USP35: variants seen among roughly 807,000 people sequenced by gnomAD.
The protein encoded by USP35 is ubiquitin carboxyl-terminal hydrolase 35.
Under a neutral mutation model 83.8 loss-of-function variants are expected in USP35, and 69 were observed. The observed-to-expected ratio is 0.82, with a 90% CI of 0.68 to 1.01. The LOEUF (loss-of-function observed/expected upper bound fraction) is 1.01, where lower values mean the gene tolerates loss of function less well. Among genes scored for constraint, USP35 ranks in the 50% least tolerant of loss-of-function variants. The pLI, the probability that USP35 is intolerant of heterozygous loss-of-function variation, is 0.00. For synonymous variants in USP35, 714 were observed against 589.5 expected (o/e 1.21, Z -3.06); for missense variants, 1,503 against 1,362.5 (o/e 1.10, Z -1.62).
chr11:78,215,868 A>G (rs1864111833), downstream of USP35: 1 of 152,720 alleles, frequency 6.5e-6, no homozygotes, highest in Non-Finnish European at 1.5e-5. Context: ...GAAATGGGAT[A>G]GGGGTGCTGG....
At chr11:78,211,222 C>T (rs528216141) in intron 10 of USP35, among the ~76,000 whole-genome samples, 4 of 151,800 alleles carry the variant, frequency 2.6e-5, no homozygotes, top group Non-Finnish European at 4.4e-5. Flanking sequence ...TCTGTTCCTG[C>T]GTTAATTTGC....
At chr11:78,195,715 G>C (rs1863121619) in intron 1 of USP35, among the ~76,000 whole-genome samples, 1 of 152,160 alleles carries the variant, frequency 6.6e-6, no homozygotes, top group Non-Finnish European at 1.5e-5. Flanking sequence ...AAGGCGCTTA[G>C]CAACCATAGC....
chr11:78,235,141 C>A, the USP35 span, among the ~76,000 whole-genome samples: 1 of 152,008 alleles, frequency 6.6e-6, no homozygotes, highest in Non-Finnish European at 1.5e-5. Flanking sequence ...TTGATTTTCT[C>A]CCCAGAAAAT....
At position 78,198,209 on chromosome 11, in the gene USP35, C is replaced by G. The variant is rs961634862; in HGVS notation, c.806+141C>G. ...CCTCATGTGTGTTCCATCATCTATCCTTTCTTGAGCCCTGCTCTGTGCCTT... is the reference window on the plus strand; with the variant it reads ...CCTCATGTGTGTTCCATCATCTATCGTTTCTTGAGCCCTGCTCTGTGCCTT... On this transcript the variant is annotated intron_variant, in intron 3 of 10. Coordinates refer to ENST00000529308, the MANE Select transcript of USP35 (RefSeq NM_020798.4). 2.2e-6 allele frequency: 3 copies of G among 1,338,256 alleles called. No individual in the cohort carries two copies. The African/African-American group carries it at 4.4e-5, about 19-fold the overall frequency. 82.9% of individuals were successfully genotyped at this position (1,338,256 alleles called of 1,614,324 possible). A position where few individuals can be genotyped will look rare whatever the true frequency, so the allele number is the denominator to read the frequency against.
chr11:78,208,311 T>G (rs1385945711), intron 8 of USP35, among the ~76,000 whole-genome samples: 2 of 152,202 alleles, frequency 1.3e-5, no homozygotes, highest in Admixed American at 1.3e-4. Context: ...CATTCTGCTG[T>G]TATTTTTGAG....
Position 78,214,260 on chromosome 11 carries a change from T to A in USP35, c.*447T>A, listed in dbSNP as rs1413866746. 1.6e-5 allele frequency: 2 copies of A among 127,486 alleles called. No homozygotes were observed. The highest frequency in any genetic ancestry group is 6.5e-5 in the African/African-American group (2 of 30,824). 7.9% of individuals were successfully genotyped at this position (127,486 alleles called of 1,614,324 possible). On this transcript the variant is annotated 3_prime_UTR_variant, in exon 11 of 11. Coordinates refer to ENST00000529308, the MANE Select transcript of USP35 (RefSeq NM_020798.4). ...GGGGTGGGGGGGGCAGTGTCTCCTC[T>A]GGCTGTCCTGTTTGTTTGTTTCTCA...
At chr11:78,211,225 T>G (rs1863761564) in intron 10 of USP35, among the ~76,000 whole-genome samples, 1 of 152,106 alleles carries the variant, frequency 6.6e-6, no homozygotes. Context: ...GTTCCTGCGT[T>G]AATTTGCTGA....
Position 78,196,354 on chromosome 11 carries a change from C to G in USP35, c.109C>G (p.Gln37Glu). 6.4e-7 allele frequency: 1 copy of G among 1,561,682 alleles called. No homozygotes were observed. Among genetic ancestry groups the G allele is most frequent in the Non-Finnish European group, 8.6e-7 (1 of 1,164,320 alleles). ...GGCGCGGCAGCCGCTGGAGCGTGAG[C>G]AGTGCCTGGCGCTGCTGGCGCTGGG... The part of the protein sequence containing the change: ...EAARQPLERE[Q>E]CLALLALGAR... Residue 37 changes from glutamine (Q) to glutamate (E), a missense_variant, in exon 2 of 11, where the codon CAG (glutamine) becomes GAG (glutamate). Transcript: ENST00000529308. The surrounding 1 kb of genome is among the most constrained non-coding windows in gnomAD (Gnocchi z 4.8).
chr11:78,209,674 C>T lies in USP35; in HGVS notation c.1819C>T (p.Arg607Cys), dbSNP rs532655781. 4.2e-5 allele frequency: 68 copies of T among 1,613,590 alleles called. 1 individual carries two copies. The highest frequency in any genetic ancestry group is 2.4e-4 in the South Asian group (22 of 91,036). Residue 607 changes from arginine to cysteine, a missense_variant, in exon 10 of 11, where the codon CGC (arginine) becomes TGC (cysteine). Physicochemically the swap from Arg to Cys is radical, Grantham distance 180 (BLOSUM62 -3). Coordinates refer to ENST00000529308, the MANE Select transcript of USP35 (RefSeq NM_020798.4). ...CGCCTTCCCTCCTCCTGAGCGCTGT[C>T]GCCGCCGCCGCCTGGGCTCTGTGAT... ...SLAFPPPERC[R>C]RRRLGSVMRP...
At chr11:78,234,617 G>A in the USP35 span, among the ~76,000 whole-genome samples, 1 of 147,682 alleles carries the variant, frequency 6.8e-6, no homozygotes, top group African/African-American at 2.5e-5. Context: ...ATTTATATAT[G>A]CATTTAAAAT....
the USP35 span, among the ~76,000 whole-genome samples, chr11:78,229,857 C>A: frequency 5.3e-5 from 8 of 152,340 alleles, no homozygotes; most frequent in East Asian, 1.5e-3. Context: ...TTACCTCAAT[C>A]TGGCAAGTTC....
rs1445615416 is a variant in USP35, at chr11:78,215,088, TCTCTAGACGC to T, written c.*1278_*1287del. On this transcript the variant is annotated 3_prime_UTR_variant, in exon 11 of 11. Coordinates refer to ENST00000529308, the MANE Select transcript of USP35 (RefSeq NM_020798.4). ...AGCAGACAGACACGCCCAGAACCCATCTCTAGACGCCTAAGAAAGCTGGATGGGTAAATGC... is the reference window on the plus strand; with the variant it reads ...AGCAGACAGACACGCCCAGAACCCATCTAAGAAAGCTGGATGGGTAAATGC... Among the ~76,000 whole-genome samples, 1 of 152,070 alleles carries T rather than the reference TCTCTAGACGC, an allele frequency of 6.6e-6. No homozygotes were observed. The highest frequency in any genetic ancestry group is 1.5e-5 in the Non-Finnish European group (1 of 68,022).
chr11:78,200,686 G>C lies in USP35; in HGVS notation c.1075G>C (p.Val359Leu). 1 of 1,613,904 alleles carries C rather than the reference G, an allele frequency of 6.2e-7. No individual in the cohort carries two copies. Among genetic ancestry groups the C allele is most frequent in the Non-Finnish European group, 8.5e-7 (1 of 1,179,878 alleles). The change falls in exon 6 of 11, where the codon GTC becomes CTC. Residue 359 changes from valine to leucine, a missense_variant. By Grantham distance (32) the Val-to-Leu change is conservative (BLOSUM62 1). Transcript: ENST00000529308. ...PHIPPMVASLVKEDSNSGTSC... is the reference protein window; with the variant it reads ...PHIPPMVASLLKEDSNSGTSC... ...CATCCCCCCCATGGTGGCCTCTCTG[G>C]TCAAGGAGGACTCGAACTCGGGGAC...
At chr11:78,204,213 A>G (rs1228003068) in intron 6 of USP35, among the ~76,000 whole-genome samples, 3 of 152,244 alleles carry the variant, frequency 2.0e-5, no homozygotes, top group African/African-American at 7.2e-5. Flanking sequence ...ATGTTAGAAA[A>G]GATGGCTTCA....
the USP35 span, among the ~76,000 whole-genome samples, chr11:78,220,659 CTG>C: frequency 6.6e-6 from 1 of 152,130 alleles, no homozygotes; most frequent in East Asian, 1.9e-4. Context: ...AAAGATGAAA[CTG>C]TGGTTCACTT....
In USP35 at chr11:78,196,740, C is replaced by T. The variant is rs1863159844; in HGVS notation, c.495C>T (p.Cys165=). The T allele has an allele frequency of 2.0e-6, 3 of 1,531,694 alleles. No individual in the cohort carries two copies. The highest frequency in any genetic ancestry group is 2.6e-6 in the Non-Finnish European group (3 of 1,145,270). 94.9% of individuals were successfully genotyped at this position (1,531,694 alleles called of 1,614,324 possible). The change falls in exon 2 of 11, where the codon TGC becomes TGT. Residue 165 remains cysteine, a synonymous_variant. Transcript: ENST00000529308. The surrounding 1 kb of genome is among the most constrained non-coding windows in gnomAD (Gnocchi z 4.8). The stretch of plus-strand genomic sequence containing the variant: ...ACGGACCCCACCGCCTGCTCTTCTG[C>T]CAGCAGCTGGTGCGTTGCCTCGGCC... ...VPDGPHRLLF[C]QQLVRCLGRF...
At chr11:78,192,301 C>T (rs1863029216) in intron 1 of USP35, among the ~76,000 whole-genome samples, 2 of 152,212 alleles carry the variant, frequency 1.3e-5, no homozygotes, top group Admixed American at 6.5e-5. Flanking sequence ...ATGGACAGGC[C>T]ATCTCCTCAC....
the USP35 span, chr11:78,223,797 T>C: frequency 1.2e-6 from 1 of 832,058 alleles, no homozygotes; most frequent in Non-Finnish European, 1.9e-6. Context: ...TTTGAAGCTG[T>C]AAGGGAGACC....
At chr11:78,201,222 C>T (rs1171335729) in intron 6 of USP35, among the ~76,000 whole-genome samples, 3 of 152,164 alleles carry the variant, frequency 2.0e-5, no homozygotes, top group Non-Finnish European at 4.4e-5. Flanking sequence ...GCTAGGGCCT[C>T]GCTGGGCTCC....
Sources: gnomAD v4.1 joint callset for allele counts (sites outside exome capture counted in the v4.1 genomes callset) on GRCh38, gnomAD v4.1.1 for gene constraint, Gnocchi (gnomAD v3.1) non-coding constraint, MANE v1.5 for transcripts, NCBI Gene and HGNC (gene_info 2026-07-23, HGNC 2026-07-21) for gene names.